RIOK3: variants seen among roughly 807,000 people sequenced by gnomAD.
The protein encoded by RIOK3 is RIO kinase 3, also known as serine/threonine-protein kinase RIO3.
A neutral mutation model predicts 63.5 loss-of-function variants in RIOK3; 40 were observed. That is an observed-to-expected ratio of 0.63 (90% CI 0.49 to 0.82). The LOEUF (loss-of-function observed/expected upper bound fraction) is 0.82, where lower values mean the gene tolerates loss of function less well. Ranked by LOEUF, RIOK3 falls within the 40% of genes least tolerant of loss-of-function variation. The pLI, the probability that RIOK3 is intolerant of heterozygous loss-of-function variation, is 0.00. For missense variants in RIOK3, 557 were observed against 637.0 expected, an observed-to-expected ratio of 0.87 and a Z score of 1.35; for synonymous variants, 193 against 205.0, an observed-to-expected ratio of 0.94 and a Z score of 0.50.
intron 7 of RIOK3, among the ~76,000 whole-genome samples, chr18:23,470,807 A>G (rs1049343448): frequency 1.3e-5 from 2 of 152,216 alleles, no homozygotes; most frequent in African/African-American, 4.8e-5. Context: ...GACAATGACA[A>G]GGCAAATCTT....
chr18:23,453,480 C>T lies in RIOK3; in HGVS notation c.41C>T (p.Ala14Val), dbSNP rs758713188. 2.5e-6 allele frequency: 4 copies of T among 1,613,678 alleles called. No individual in the cohort carries two copies. Among genetic ancestry groups the T allele is most frequent in the Non-Finnish European group, 3.4e-6 (4 of 1,179,730 alleles). The change falls in exon 1 of 13, where the codon GCA becomes GTA. Residue 14 changes from alanine to valine, a missense_variant. Around this residue, in one of 3 missense-constraint regions of RIOK3, gnomAD observed 243 missense variants for 275.4 expected, o/e 0.88. Coordinates refer to ENST00000339486, the MANE Select transcript of RIOK3 (RefSeq NM_003831.5). ...GTGGCATCGCCTGAGCCCGGGACGG[C>T]AGCGGCCTGGGGACCCAGCAAGGTA... ...VGVASPEPGTAAAWGPSKCPW... is the reference protein window; with the variant it reads ...VGVASPEPGTVAAWGPSKCPW...
Position 23,476,986 on chromosome 18 carries a change from T to C in RIOK3, c.1174-20T>C. ...CCACTTAATTATTCATTTCCTAATG[T>C]GTGCCTTCCCTCTTCACAGTTGATG... On this transcript the variant is annotated intron_variant, in intron 9 of 12. Transcript: ENST00000339486. 6.2e-7 allele frequency: 1 copy of C among 1,600,658 alleles called. No homozygotes were observed. Among genetic ancestry groups the C allele is most frequent in the Non-Finnish European group, 8.6e-7 (1 of 1,168,850 alleles).
At chr18:23,471,740 T>C (rs1028737805) in intron 7 of RIOK3, among the ~76,000 whole-genome samples, 3 of 152,064 alleles carry the variant, frequency 2.0e-5, no homozygotes, top group East Asian at 3.9e-4. Flanking sequence ...TGTAGGAGGA[T>C]AGATTCTGGG....
At chr18:23,475,645 CA>C (rs1424518976) in intron 9 of RIOK3, among the ~76,000 whole-genome samples, 1 of 151,794 alleles carries the variant, frequency 6.6e-6, no homozygotes, top group Non-Finnish European at 1.5e-5. Context: ...AAAAAACAAA[CA>C]AAAAAACCCA....
intron 1 of RIOK3, among the ~76,000 whole-genome samples, chr18:23,455,027 CT>C (rs2057329296): frequency 6.6e-6 from 1 of 151,100 alleles, no homozygotes; most frequent in South Asian, 2.1e-4. Context: ...CCTTCCTTTC[CT>C]TTCCTTTCTT....
chr18:23,475,065 C>A lies in RIOK3; in HGVS notation c.1131C>A (p.Leu377=). ...VPAPKLKEVK[L]NSEEMKEAYY... is the part of the protein sequence containing the mutation. ...CCCCTAAATTAAAAGAAGTAAAGCT[C>A]AATAGTGAAGAAATGAAAGAAGCCT... The change falls in exon 9 of 13, where the codon CTC becomes CTA. Residue 377 remains leucine (L), a synonymous_variant. Coordinates refer to ENST00000339486, the MANE Select transcript of RIOK3 (RefSeq NM_003831.5). The A allele has an allele frequency of 5.0e-6, 8 of 1,613,302 alleles. No individual in the cohort carries two copies. The highest frequency in any genetic ancestry group is 6.8e-6 in the Non-Finnish European group (8 of 1,179,536).
chr18:23,465,473 T>TAAAC (rs893777312), intron 5 of RIOK3, among the ~76,000 whole-genome samples: 9 of 152,154 alleles, frequency 5.9e-5, no homozygotes, highest in African/African-American at 2.2e-4. Context: ...GCTTGTTAAG[T>TAAAC]AAACATATTC....
rs1410856569 is a variant in RIOK3 at position 23,462,998 on chromosome 18, G to T, written c.98G>T (p.Cys33Phe). The change falls in exon 2 of 13, where the codon TGT (cysteine) becomes TTT (phenylalanine). Residue 33 changes from cysteine to phenylalanine, a missense_variant. Transcript: ENST00000339486. ...PWAIPQNTIS[C>F]SLADVMSEQL... is the part of the protein sequence containing the mutation. ...GCTATTCCTCAAAATACAATATCTTGTTCTTTGGCTGATGTAATGAGTGAA... is the reference window on the plus strand; with the variant it reads ...GCTATTCCTCAAAATACAATATCTTTTTCTTTGGCTGATGTAATGAGTGAA... The T allele has an allele frequency of 6.2e-7, 1 of 1,602,986 alleles. No homozygotes were observed. Among genetic ancestry groups the T allele is most frequent in the African/African-American group, 1.3e-5 (1 of 74,274 alleles).
rs776930130 is a variant in RIOK3 at position 23,466,207 on chromosome 18, A to G, written c.618A>G (p.Leu206=). 9.9e-6 allele frequency: 16 copies of G among 1,612,792 alleles called. No individual in the cohort carries two copies. The highest frequency in any genetic ancestry group is 1.3e-5 in the Non-Finnish European group (15 of 1,179,380). ...TATCAAACCATGTTTTCAATGCTTT[A>G]AAACAACATGCCTACTCAGAAGAAC... is the stretch of plus-strand genomic sequence containing the variant. ...LKLSNHVFNA[L]KQHAYSEERR... is the part of the protein sequence containing the mutation. Residue 206 remains leucine, a synonymous_variant, in exon 6 of 13, where the codon TTA becomes TTG. Transcript: ENST00000339486.
intron 1 of RIOK3, among the ~76,000 whole-genome samples, chr18:23,455,478 C>T (rs1425293768): frequency 1.3e-5 from 2 of 151,006 alleles, no homozygotes; most frequent in East Asian, 1.9e-4. Flanking sequence ...CTGCAAGCTC[C>T]GCCTCCTGGG....
intron 7 of RIOK3, among the ~76,000 whole-genome samples, chr18:23,469,193 G>T (rs2057430527): frequency 6.6e-6 from 1 of 152,138 alleles, no homozygotes. Context: ...AACCTAACCA[G>T]GGAGTGGCTA....
At chr18:23,461,918 T>C (rs2057373977) in intron 1 of RIOK3, among the ~76,000 whole-genome samples, 1 of 151,338 alleles carries the variant, frequency 6.6e-6, no homozygotes, top group African/African-American at 2.4e-5. Context: ...GGCAAAACCC[T>C]ATCTCTACTA....
At chr18:23,478,644 T>TATACC (rs2057510454) in intron 11 of RIOK3, among the ~76,000 whole-genome samples, 1 of 30,054 alleles carries the variant, frequency 3.3e-5, no homozygotes. Flanking sequence ...TATATATATA[T>TATACC]ATATATATAT....
At position 23,481,422 on chromosome 18, in the gene RIOK3, C is replaced by T; in HGVS notation, c.*143C>T. ...GCTTTTCCCCCTTGTAACCCATGTG[C>T]CAGATGTGTGGAATTTTTAGCTCAG... On this transcript the variant is annotated 3_prime_UTR_variant, in exon 13 of 13. Transcript: ENST00000339486. 1.8e-6 allele frequency: 1 copy of T among 545,066 alleles called. No individual in the cohort carries two copies. Among genetic ancestry groups the T allele is most frequent in the Non-Finnish European group, 3.2e-6 (1 of 312,188 alleles). The allele number at this position is 545,066 out of a possible 1,614,324, so 33.8% of individuals were successfully genotyped here. A position where few individuals can be genotyped will look rare whatever the true frequency, so the allele number is the denominator to read the frequency against.
chr18:23,458,165 A>G (rs185916941), intron 1 of RIOK3, among the ~76,000 whole-genome samples: 1 of 150,958 alleles, frequency 6.6e-6, no homozygotes, highest in East Asian at 2.0e-4. Context: ...TCAGCCTCCC[A>G]AAGTGCTAGT....
At chr18:23,478,659 G>A (rs1273633567) in intron 11 of RIOK3, among the ~76,000 whole-genome samples, 5 of 80,610 alleles carry the variant, frequency 6.2e-5, no homozygotes, top group African/African-American at 2.9e-4. Flanking sequence ...ATATATATAT[G>A]GTAAAATTTA....
chr18:23,480,031 C>CA (rs748862758), intron 12 of RIOK3, among the ~76,000 whole-genome samples: 5 of 152,082 alleles, frequency 3.3e-5, no homozygotes, highest in Non-Finnish European at 7.4e-5. Context: ...CTGAGTGATA[C>CA]AAAAAATAGT....
At position 23,473,393 on chromosome 18, in the gene RIOK3, A is replaced by C. The variant is rs769495245; in HGVS notation, c.816-36A>C. The C allele has an allele frequency of 3.0e-6, 4 of 1,353,988 alleles. No homozygotes were observed. In the African/African-American group the frequency reaches 5.8e-5, roughly 20 times the overall value. 83.9% of individuals were successfully genotyped at this position (1,353,988 alleles called of 1,614,324 possible). ...GAAATTGTTGTACTTGTGAGCTGGC[A>C]ACTTGTACTGACTTGATTTTTTTTC... is the stretch of plus-strand genomic sequence containing the variant. On this transcript the variant is annotated intron_variant, in intron 7 of 12. Transcript: ENST00000339486.
At position 23,475,062 on chromosome 18, in the gene RIOK3, G is replaced by T. The variant is rs1247910474; in HGVS notation, c.1128G>T (p.Lys376Asn). 1 of 1,613,402 alleles carries T rather than the reference G, an allele frequency of 6.2e-7. No individual in the cohort carries two copies. The highest frequency in any genetic ancestry group is 2.2e-5 in the East Asian group (1 of 44,866). ...QVPAPKLKEV[K>N]LNSEEMKEAY... ...CAGCCCCTAAATTAAAAGAAGTAAA[G>T]CTCAATAGTGAAGAAATGAAAGAAG... The change falls in exon 9 of 13, where the codon AAG becomes AAT. Residue 376 changes from lysine to asparagine, a missense_variant. This residue lies in a region of RIOK3 where 309 missense variants were observed against 338.7 expected (regional missense o/e 0.91). Coordinates refer to ENST00000339486, the MANE Select transcript of RIOK3 (RefSeq NM_003831.5).
Sources: gnomAD v4.1 joint callset for allele counts (sites outside exome capture counted in the v4.1 genomes callset) on GRCh38, gnomAD v4.1.1 for gene constraint, gnomAD v4.1.1 regional missense constraint, MANE v1.5 for transcripts, NCBI Gene and HGNC (gene_info 2026-07-23, HGNC 2026-07-21) for gene names.